Variants in NOTCH4 observed in about 807,000 individuals in gnomAD.
NOTCH4 encodes notch receptor 4, also known as neurogenic locus notch homolog protein 4.
Under a neutral mutation model 189.0 loss-of-function variants are expected in NOTCH4, and 138 were observed. The ratio of observed to expected loss-of-function variants is 0.73; its 90% CI spans 0.64 to 0.84. The LOEUF is 0.84. Ranked by LOEUF, NOTCH4 falls within the 40% of genes least tolerant of loss-of-function variation. The probability of loss-of-function intolerance (pLI) is 0.00; values close to 1 mark genes in which losing one functional copy is unlikely to be tolerated. For missense variants in NOTCH4, 2,286 were observed against 2,605.4 expected (o/e 0.88, Z 2.67); for synonymous variants, 942 against 1,032.8 (o/e 0.91, Z 1.69).
chr6:32,219,004 G>A (rs1322373564), intron 8 of NOTCH4, among the ~76,000 whole-genome samples: 1 of 152,126 alleles, frequency 6.6e-6, no homozygotes, highest in Non-Finnish European at 1.5e-5. Flanking sequence ...ACAGTACCTG[G>A]CATAAAGTTG....
In NOTCH4 at chr6:32,202,435, T is replaced by C. The variant is rs751734441; in HGVS notation, c.3396A>G (p.Lys1132=). ...GGCATGGGGAGGGAGGGCCACAGCC[T>C]TTAGGAGCTGGTGGGGTCAGGCAGT... is the stretch of plus-strand genomic sequence containing the variant. ...GPDCLTPPAP[K]GCGPPSPCLY... Residue 1132 remains lysine (K), a synonymous_variant, in exon 21 of 30, where the codon AAA becomes AAG. Transcript: ENST00000375023. The surrounding 1 kb of genome is among the most constrained non-coding windows in gnomAD (Gnocchi z 5.7). 1 of 1,612,138 alleles carries C rather than the reference T, an allele frequency of 6.2e-7. No homozygotes were observed. Among genetic ancestry groups the C allele is most frequent in the Non-Finnish European group, 8.5e-7 (1 of 1,179,650 alleles).
In NOTCH4 at chr6:32,217,053, G is replaced by A. The variant is rs150609093; in HGVS notation, c.1753C>T (p.Arg585Cys). Reference sequence around the variant, plus strand: ...CACTCATCCACCTCTGTTTGACAGCGTGGCCCTTCAAAGCCTGTGGCACAG... The same window carrying A: ...CACTCATCCACCTCTGTTTGACAGCATGGCCCTTCAAAGCCTGTGGCACAG... ...CKCLPGFEGPRCQTEVDECLS... is the reference protein window; with the variant it reads ...CKCLPGFEGPCCQTEVDECLS... Residue 585 changes from arginine to cysteine, a missense_variant, in exon 11 of 30, where the codon CGC (arginine) becomes TGC (cysteine). Coordinates refer to ENST00000375023, the MANE Select transcript of NOTCH4 (RefSeq NM_004557.4). The surrounding 1 kb of genome is among the most constrained non-coding windows in gnomAD (Gnocchi z 4.2). 3.0e-5 allele frequency: 48 copies of A among 1,613,068 alleles called. No individual in the cohort carries two copies. In the East Asian group the frequency reaches 8.0e-4, roughly 27 times the overall value.
intron 28 of NOTCH4, 127 bp from the exon 29 acceptor site, chr6:32,196,548 T>A (rs1787941333): frequency 8.1e-7 from 1 of 1,239,652 alleles, no homozygotes; most frequent in African/African-American, 1.5e-5. Context: ...GCGGGAAGCG[T>A]TGCCCAGGAG....
At chr6:32,213,549 C>A in intron 14 of NOTCH4, 139 bp downstream of exon 14, 2 of 1,101,270 alleles carry the variant, frequency 1.8e-6, no homozygotes, top group Admixed American at 2.3e-5. Flanking sequence ...GTGTGCCCAG[C>A]TAATTTAGAG....
chr6:32,197,019 G>A lies in NOTCH4; in HGVS notation c.5106C>T (p.Thr1702=), dbSNP rs2127460580. The change falls in exon 28 of 30, where the codon ACC becomes ACT. Residue 1702 remains threonine (T), a synonymous_variant. Transcript: ENST00000375023. ...TAVDARTEDG[T]TPLMLAARLA... ...GCCTGGCAGCCAGCATCAAGGGTGT[G>A]GTCCCGTCCTCTGTGCGAGCGTCCA... 1 of 1,612,914 alleles carries A rather than the reference G, an allele frequency of 6.2e-7. No homozygotes were observed. Among genetic ancestry groups the A allele is most frequent in the Non-Finnish European group, 8.5e-7 (1 of 1,180,020 alleles).
chr6:32,198,101 G>A lies in NOTCH4; in HGVS notation c.4756+320C>T, dbSNP rs551779042. ...CTCCCAAAGTGCTGGGATTACAGGC[G>A]TGAGCCACCACGCCCGGCCTAGCAG... On this transcript the variant is annotated intron_variant, in intron 26 of 29. Coordinates refer to ENST00000375023, the MANE Select transcript of NOTCH4 (RefSeq NM_004557.4). This position sits in a 1 kb window ranked among gnomAD's most constrained non-coding sequence, Gnocchi z 5.5. Among the ~76,000 whole-genome samples, 1 of 151,816 alleles carries A rather than the reference G, an allele frequency of 6.6e-6. No individual in the cohort carries two copies. Among genetic ancestry groups the A allele is most frequent in the African/African-American group, 2.4e-5 (1 of 41,300 alleles).
In NOTCH4 at chr6:32,210,697, C is replaced by G; in HGVS notation, c.2865+55G>C. 1.3e-6 allele frequency: 2 copies of G among 1,559,650 alleles called. No homozygotes were observed. The highest frequency in any genetic ancestry group is 2.2e-5 in the South Asian group (2 of 89,648). On this transcript the variant is annotated intron_variant, in intron 18 of 29. Coordinates refer to ENST00000375023, the MANE Select transcript of NOTCH4 (RefSeq NM_004557.4). The surrounding 1 kb of genome is among the most constrained non-coding windows in gnomAD (Gnocchi z 4.8). Reference sequence around the variant, plus strand: ...GGTCTTCCCTCAGTCACTACTGTCTCTCCCATCCAGCCCACCCTTGTCTTT... The same window carrying G: ...GGTCTTCCCTCAGTCACTACTGTCTGTCCCATCCAGCCCACCCTTGTCTTT...
In NOTCH4 at chr6:32,203,837, C is replaced by T; in HGVS notation, c.3164G>A (p.Cys1055Tyr). The T allele has an allele frequency of 1.3e-6, 2 of 1,562,734 alleles. No homozygotes were observed. Among genetic ancestry groups the T allele is most frequent in the South Asian group, 2.4e-5 (2 of 84,922 alleles). The change falls in exon 20 of 30, where the codon TGC (cysteine) becomes TAC (tyrosine). Residue 1055 changes from cysteine (C) to tyrosine (Y), a missense_variant. Around this residue, in one of 2 missense-constraint regions of NOTCH4, gnomAD observed 1,903 missense variants for 2,261.9 expected, o/e 0.84. Coordinates refer to ENST00000375023, the MANE Select transcript of NOTCH4 (RefSeq NM_004557.4). ...VEIDPCHSQP[C>Y]FHGGTCEATA... The stretch of plus-strand genomic sequence containing the variant: ...GGCCTCACAGGTCCCTCCATGAAAG[C>T]AGGGTTGGCTGTGGCAGGGGTCTAT...
chr6:32,211,945 G>A (rs1789048625), intron 17 of NOTCH4, among the ~76,000 whole-genome samples: 1 of 152,234 alleles, frequency 6.6e-6, no homozygotes, highest in African/African-American at 2.4e-5. Flanking sequence ...AGTGGCTTAA[G>A]TCTGTCCCCT....
chr6:32,221,523 C>G lies in NOTCH4; in HGVS notation c.452-198G>C, dbSNP rs1007645353. 2.0e-5 allele frequency among the ~76,000 whole-genome samples: 3 copies of G among 152,146 alleles called. No homozygotes were observed. The highest frequency in any genetic ancestry group is 7.2e-5 in the African/African-American group (3 of 41,426). Reference sequence around the variant, plus strand: ...GCTTGGGAGGGTTTATCTGGAGTGACCATATCTTCTAAAGTGATGATGAGA... The same window carrying G: ...GCTTGGGAGGGTTTATCTGGAGTGAGCATATCTTCTAAAGTGATGATGAGA... On this transcript the variant is annotated intron_variant, in intron 3 of 29. Transcript: ENST00000375023. The surrounding 1 kb of genome is among the most constrained non-coding windows in gnomAD (Gnocchi z 4.3).
At chr6:32,204,726 G>A (rs1293826054) in intron 18 of NOTCH4, among the ~76,000 whole-genome samples, 1 of 152,150 alleles carries the variant, frequency 6.6e-6, no homozygotes, top group Admixed American at 6.5e-5. Context: ...TCTATTGAGT[G>A]CCTACTTTGT....
rs1438879171 is a variant in NOTCH4, at chr6:32,212,800, A to T, written c.2526+24T>A. On this transcript the variant is annotated intron_variant, in intron 16 of 29. Coordinates refer to ENST00000375023, the MANE Select transcript of NOTCH4 (RefSeq NM_004557.4). The surrounding 1 kb of genome is among the most constrained non-coding windows in gnomAD (Gnocchi z 4.4). ...CCTCCCAGCCACTTCCCTCCTCAGC[A>T]CGCCTGACTTCAATGGCCCTCACCT... The T allele has an allele frequency of 3.3e-6, 5 of 1,503,068 alleles. No homozygotes were observed. Among genetic ancestry groups the T allele is most frequent in the Non-Finnish European group, 4.5e-6 (5 of 1,122,174 alleles). The allele number at this position is 1,503,068 out of a possible 1,614,324, so 93.1% of individuals were successfully genotyped here. A position where few individuals can be genotyped will look rare whatever the true frequency, so the allele number is the denominator to read the frequency against.
intron 11 of NOTCH4, 132 bp from the exon 12 acceptor site, chr6:32,215,517 G>T: frequency 1.3e-6 from 1 of 798,212 alleles, no homozygotes. Context: ...CCATGAACCT[G>T]TCCTTCAATG....
chr6:32,223,289 C>T (rs1018740507), intron 1 of NOTCH4, among the ~76,000 whole-genome samples: 9 of 152,156 alleles, frequency 5.9e-5, no homozygotes, highest in African/African-American at 1.9e-4. Context: ...CCCTACCCCC[C>T]TTTCCTGTTT....
At position 32,222,570 on chromosome 6, in the gene NOTCH4, C is replaced by A; in HGVS notation, c.392G>T (p.Gly131Val). 1 of 1,586,166 alleles carries A rather than the reference C, an allele frequency of 6.3e-7. No individual in the cohort carries two copies. The highest frequency in any genetic ancestry group is 8.5e-7 in the Non-Finnish European group (1 of 1,169,932). Residue 131 changes from glycine to valine, a missense_variant, in exon 3 of 30, where the codon GGC (glycine) becomes GTC (valine). Transcript: ENST00000375023. ...PCPPSFCSKR[G>V]RCHIQASGRP... ...GCCCGAGGCCTGGATGTGGCAGCGG[C>A]CCCTTTTGGAACAGAAGGAGGGAGG...
Position 32,217,942 on chromosome 6 carries a change from G to T in NOTCH4, c.1624+53C>A. On this transcript the variant is annotated intron_variant, in intron 9 of 29. Transcript: ENST00000375023. This position sits in a 1 kb window ranked among gnomAD's most constrained non-coding sequence, Gnocchi z 4.2. Reference sequence around the variant, plus strand: ...TGGGTGATTGCTGAGCCTGAACTCTGCAGGTTCAGAGGCCTGGGGTCTGAG... The same window carrying T: ...TGGGTGATTGCTGAGCCTGAACTCTTCAGGTTCAGAGGCCTGGGGTCTGAG... 8.4e-7 allele frequency: 1 copy of T among 1,192,316 alleles called. No homozygotes were observed. The highest frequency in any genetic ancestry group is 1.2e-6 in the Non-Finnish European group (1 of 804,744). 73.9% of individuals were successfully genotyped at this position (1,192,316 alleles called of 1,614,324 possible).
intron 29 of NOTCH4, 61 bp from the exon 30 acceptor site, chr6:32,196,211 T>G: frequency 6.2e-7 from 1 of 1,603,854 alleles, no homozygotes; most frequent in South Asian, 1.1e-5. Flanking sequence ...TGGGCCTTTC[T>G]GCCTTCACTT....
chr6:32,211,385 T>C (rs1042978156), intron 17 of NOTCH4, among the ~76,000 whole-genome samples: 3 of 150,332 alleles, frequency 2.0e-5, no homozygotes, highest in Non-Finnish European at 4.4e-5. Flanking sequence ...AGGTTAGGAG[T>C]TCGAGACCAG....
rs1007645353 is a variant in NOTCH4 at position 32,221,523 on chromosome 6, C to T, written c.452-198G>A. ...GCTTGGGAGGGTTTATCTGGAGTGACCATATCTTCTAAAGTGATGATGAGA... is the reference window on the plus strand; with the variant it reads ...GCTTGGGAGGGTTTATCTGGAGTGATCATATCTTCTAAAGTGATGATGAGA... On this transcript the variant is annotated intron_variant, in intron 3 of 29. Coordinates refer to ENST00000375023, the MANE Select transcript of NOTCH4 (RefSeq NM_004557.4). The surrounding 1 kb of genome is among the most constrained non-coding windows in gnomAD (Gnocchi z 4.3). Among the ~76,000 whole-genome samples the T allele has an allele frequency of 6.6e-6, 1 of 152,146 alleles. No homozygotes were observed. The highest frequency in any genetic ancestry group is 1.5e-5 in the Non-Finnish European group (1 of 68,036).
Sources: allele counts gnomAD v4.1 joint callset (sites outside exome capture counted in the v4.1 genomes callset), GRCh38; gene constraint gnomAD v4.1.1; regional missense constraint gnomAD v4.1.1; non-coding constraint Gnocchi (gnomAD v3.1); transcripts MANE v1.5; gene names NCBI Gene and HGNC (gene_info 2026-07-23, HGNC 2026-07-21).